Variants in SENP7 observed in about 807,000 individuals in gnomAD.
SENP7 encodes the protein SUMO specific peptidase 7.
In SENP7, 64 loss-of-function variants were observed where a neutral mutation model predicts 141.2. The observed-to-expected ratio is 0.45, with a 90% CI of 0.37 to 0.56. The LOEUF (loss-of-function observed/expected upper bound fraction) is 0.56, where lower values mean the gene tolerates loss of function less well. Ranked by LOEUF, SENP7 falls within the 20% of genes least tolerant of loss-of-function variation. The pLI, the probability that SENP7 is intolerant of heterozygous loss-of-function variation, is 0.00. For missense variants in SENP7, 1,025 were observed against 1,212.2 expected (o/e 0.85, Z 2.29); for synonymous variants, 382 against 426.4 (o/e 0.90, Z 1.28).
chr3:101,453,851 A>G (rs1361982489), intron 4 of SENP7, among the ~76,000 whole-genome samples: 3 of 152,222 alleles, frequency 2.0e-5, no homozygotes, highest in East Asian at 3.9e-4. Context: ...ATGTACCCTA[A>G]AACTTAAAGT....
chr3:101,444,802 T>C (rs2062826146), intron 4 of SENP7, among the ~76,000 whole-genome samples: 2 of 150,732 alleles, frequency 1.3e-5, no homozygotes, highest in African/African-American at 4.9e-5. Context: ...AGATGACGAG[T>C]TAGTGGGTGC....
rs140142802 is a variant in SENP7, at chr3:101,402,145, T to G, written c.483-3090A>C. Among the ~76,000 whole-genome samples the G allele has an allele frequency of 3.3e-5, 5 of 152,254 alleles. No homozygotes were observed. In the East Asian group the frequency reaches 9.6e-4, roughly 29 times the overall value. On this transcript the variant is annotated intron_variant, in intron 5 of 23. Transcript: ENST00000394095. Reference sequence around the variant, plus strand: ...GCTACACTAAACAACAGATTTTCAATGTAGATGAAAGATCCTTCTATTGGA... The same window carrying G: ...GCTACACTAAACAACAGATTTTCAAGGTAGATGAAAGATCCTTCTATTGGA...
At chr3:101,401,485 T>C (rs1039439935) in intron 5 of SENP7, among the ~76,000 whole-genome samples, 4 of 148,896 alleles carry the variant, frequency 2.7e-5, no homozygotes, top group Non-Finnish European at 5.9e-5. Flanking sequence ...GCCAAGATAC[T>C]GCCACTGCAT....
rs114882669 is a variant in SENP7, at chr3:101,416,152, G to C, written c.482+1441C>G. On this transcript the variant is annotated intron_variant, in intron 5 of 23. Transcript: ENST00000394095. ...TAGGACACCTGGAGCTGAGGAAAGAGGTCTGGACTAGCTGGTAGCTCACCC... is the reference window on the plus strand; with the variant it reads ...TAGGACACCTGGAGCTGAGGAAAGACGTCTGGACTAGCTGGTAGCTCACCC... 7.7e-3 allele frequency among the ~76,000 whole-genome samples: 1,177 copies of C among 152,174 alleles called. 20 individuals carry two copies. Among genetic ancestry groups the C allele is most frequent in the African/African-American group, 0.027 (1,139 of 41,512 alleles).
rs1196960234 is a variant in SENP7 at position 101,398,956 on chromosome 3, G to C, written c.582C>G (p.Asp194Glu). The C allele has an allele frequency of 3.1e-6, 5 of 1,613,550 alleles. No individual in the cohort carries two copies. In the Admixed American group the frequency reaches 8.3e-5, roughly 27 times the overall value. Residue 194 changes from aspartate (D) to glutamate (E), a missense_variant, in exon 6 of 24, where the codon GAC (aspartate) becomes GAG (glutamate). Around this residue, in one of 4 missense-constraint regions of SENP7, gnomAD observed 496 missense variants for 503.5 expected, o/e 0.99. Transcript: ENST00000394095. ...PVTEGSLSDT[D>E]NLQSEQLSSS... Reference sequence around the variant, plus strand: ...AAGAAAGTTGCTCTGATTGCAAGTTGTCTGTATCACTCAAACTTCCCTCAG... The same window carrying C: ...AAGAAAGTTGCTCTGATTGCAAGTTCTCTGTATCACTCAAACTTCCCTCAG...
rs554333874 is a variant in SENP7, at chr3:101,420,241, A to C, written c.285-2451T>G. On this transcript the variant is annotated intron_variant, in intron 4 of 23. Coordinates refer to ENST00000394095, the MANE Select transcript of SENP7 (RefSeq NM_020654.5). ...AAATTAGCCGGGCATGGTGGCGGGC[A>C]CCTGTAGTCCCAGCTACTCAGGAGG... Among the ~76,000 whole-genome samples the C allele has an allele frequency of 2.6e-4, 39 of 152,202 alleles. No homozygotes were observed. The South Asian group carries it at 8.1e-3, about 32-fold the overall frequency.
intron 3 of SENP7, among the ~76,000 whole-genome samples, chr3:101,477,382 T>C (rs935660377): frequency 6.6e-6 from 1 of 151,970 alleles, no homozygotes; most frequent in African/African-American, 2.4e-5. Flanking sequence ...TCAAGAAACA[T>C]CTTGAAACAA....
intron 4 of SENP7, among the ~76,000 whole-genome samples, chr3:101,419,688 T>C (rs916934103): frequency 1.3e-5 from 2 of 152,158 alleles, no homozygotes; most frequent in African/African-American, 4.8e-5. Context: ...TAGGAAAGAT[T>C]TGTGTAAGTT....
In SENP7 at chr3:101,463,370, TATATATATATATATATATATATATATAC is replaced by T. The variant is rs1261889817; in HGVS notation, c.187-4346_187-4319del. ...TATCATAAATAAATAAATAAATATATATATATATATATATATATATATATATACATATATATATATATATATACACACA... is the reference window on the plus strand; with the variant it reads ...TATCATAAATAAATAAATAAATATATATATATATATATATATATACACACA... On this transcript the variant is annotated intron_variant, in intron 3 of 23. Coordinates refer to ENST00000394095, the MANE Select transcript of SENP7 (RefSeq NM_020654.5). 5.4e-3 allele frequency among the ~76,000 whole-genome samples: 449 copies of T among 83,640 alleles called. 4 individuals are homozygous for T. The highest frequency in any genetic ancestry group is 7.5e-3 in the Non-Finnish European group (331 of 44,222). The allele number at this position is 83,640 out of a possible 152,430, so 54.9% of individuals were successfully genotyped here. A position where few individuals can be genotyped will look rare whatever the true frequency, so the allele number is the denominator to read the frequency against.
intron 4 of SENP7, among the ~76,000 whole-genome samples, chr3:101,432,945 T>C (rs777636430): frequency 9.2e-5 from 14 of 151,992 alleles, no homozygotes; most frequent in East Asian, 3.9e-4. Flanking sequence ...AATAAGTACA[T>C]AGAAAAAGAA....
chr3:101,423,689 A>G (rs1438712141), intron 4 of SENP7, among the ~76,000 whole-genome samples: 9 of 152,134 alleles, frequency 5.9e-5, no homozygotes, highest in Admixed American at 5.9e-4. Context: ...CAGAGACTGG[A>G]TGGAGGGAAG....
chr3:101,439,104 C>T (rs1211443867), intron 4 of SENP7, among the ~76,000 whole-genome samples: 4 of 118,436 alleles, frequency 3.4e-5, no homozygotes, highest in Non-Finnish European at 5.5e-5. Context: ...TCTTCCCAGC[C>T]GCCATCACAT....
intron 3 of SENP7, among the ~76,000 whole-genome samples, chr3:101,469,457 T>C: frequency 6.6e-6 from 1 of 151,722 alleles, no homozygotes; most frequent in Non-Finnish European, 1.5e-5. Flanking sequence ...TACATTCTTC[T>C]CAGCACCACA....
chr3:101,473,095 T>C (rs1166158777), intron 3 of SENP7, among the ~76,000 whole-genome samples: 1 of 152,244 alleles, frequency 6.6e-6, no homozygotes, highest in Non-Finnish European at 1.5e-5. Context: ...TCTCATTTTA[T>C]GGTGTATATG....
intron 3 of SENP7, among the ~76,000 whole-genome samples, chr3:101,486,213 G>C (rs1296627563): frequency 6.6e-6 from 1 of 151,924 alleles, no homozygotes. Flanking sequence ...AAACTTCCCT[G>C]GCCTTGCTAG....
intron 1 of SENP7, among the ~76,000 whole-genome samples, chr3:101,505,245 T>C (rs1259349009): frequency 1.3e-5 from 2 of 152,130 alleles, no homozygotes. Flanking sequence ...ATGGGTACAA[T>C]GTACACTATT....
In SENP7 at chr3:101,501,073, C is replaced by T. The variant is rs1483386144; in HGVS notation, c.87G>A (p.Ser29=). 5.6e-6 allele frequency: 9 copies of T among 1,601,052 alleles called. No individual in the cohort carries two copies. The highest frequency in any genetic ancestry group is 5.1e-5 in the Admixed American group (3 of 58,688). Reference sequence around the variant, plus strand: ...TAAAAGCAAAACAAATGCATACCTCCGATAAATCAGAAGATGACTTTTTCC... The same window carrying T: ...TAAAAGCAAAACAAATGCATACCTCTGATAAATCAGAAGATGACTTTTTCC... ...GKRKKSSSDL[S]EIRKMLNAKP... Residue 29 remains serine (S), a synonymous_variant, in exon 2 of 24, where the codon TCG becomes TCA. Transcript: ENST00000394095.
chr3:101,432,277 A>AG (rs1265201799), intron 4 of SENP7, among the ~76,000 whole-genome samples: 4 of 152,216 alleles, frequency 2.6e-5, no homozygotes, highest in Non-Finnish European at 5.9e-5. Flanking sequence ...ATAATACAAT[A>AG]GAACACTAGG....
chr3:101,378,504 A>T (rs2060402443), intron 6 of SENP7, among the ~76,000 whole-genome samples: 1 of 152,158 alleles, frequency 6.6e-6, no homozygotes, highest in South Asian at 2.1e-4. Context: ...CCAACACAGG[A>T]AAGCAAAGAG....
Sources: allele counts gnomAD v4.1 joint callset (sites outside exome capture counted in the v4.1 genomes callset), GRCh38; gene constraint gnomAD v4.1.1; regional missense constraint gnomAD v4.1.1; transcripts MANE v1.5; gene names NCBI Gene and HGNC (gene_info 2026-07-23, HGNC 2026-07-21).